The following PALS1 variants were observed in gnomAD, a reference collection of about 807,000 sequenced individuals.
PALS1 encodes the protein protein associated with LIN7 1, MAGUK p55 family member.
Under a neutral mutation model 78.9 loss-of-function variants are expected in PALS1, and 31 were observed. The observed-to-expected ratio is 0.39, with a 90% confidence interval of 0.30 to 0.53. The LOEUF is 0.53. PALS1 is among the 20% of genes least tolerant of loss of function. PALS1 has a pLI of 0.67. For synonymous variants in PALS1, 276 were observed against 270.9 expected, an observed-to-expected ratio of 1.02 and a Z score of -0.18; for missense variants, 704 against 826.5, an observed-to-expected ratio of 0.85 and a Z score of 1.82.
chr14:67,273,949 G>A (rs2140621207), intron 2 of PALS1, among the ~76,000 whole-genome samples: 1 of 152,188 alleles, frequency 6.6e-6, no homozygotes, highest in South Asian at 2.1e-4. Context: ...CATATTCTTT[G>A]CCCACTTTTT....
intron 7 of PALS1, among the ~76,000 whole-genome samples, chr14:67,303,221 G>A (rs2084953528): frequency 1.3e-5 from 2 of 152,144 alleles, no homozygotes; most frequent in South Asian, 4.1e-4. Context: ...CATCTTTTGA[G>A]TGCAATTTAT....
chr14:67,249,938 C>T (rs187268282), intron 1 of PALS1, among the ~76,000 whole-genome samples: 1 of 152,244 alleles, frequency 6.6e-6, no homozygotes, highest in East Asian at 1.9e-4. Flanking sequence ...CTTAGAGTAT[C>T]CATATTTAGA....
At chr14:67,275,884 C>G (rs146917633) in intron 2 of PALS1, among the ~76,000 whole-genome samples, 1 of 152,116 alleles carries the variant, frequency 6.6e-6, no homozygotes, top group Non-Finnish European at 1.5e-5. Flanking sequence ...TCCATTTCTT[C>G]TAGATTTTCT....
rs1409711629 is a variant in PALS1 at position 67,334,005 on chromosome 14, A to G, written c.*1049A>G. On this transcript the variant is annotated 3_prime_UTR_variant, in exon 15 of 15. Coordinates refer to ENST00000261681, the MANE Select transcript of PALS1 (RefSeq NM_022474.4). Reference sequence around the variant, plus strand: ...GTATATTAATATTTAATAGATCAACAAATGGTCATTGAAAACACTTGTTTA... The same window carrying G: ...GTATATTAATATTTAATAGATCAACGAATGGTCATTGAAAACACTTGTTTA... The G allele has an allele frequency of 6.6e-6, 1 of 152,648 alleles. No homozygotes were observed. The highest frequency in any genetic ancestry group is 1.9e-4 in the East Asian group (1 of 5,202). The allele number at this position is 152,648 out of a possible 1,614,324, so 9.5% of individuals were successfully genotyped here. A position where few individuals can be genotyped will look rare whatever the true frequency, so the allele number is the denominator to read the frequency against.
intron 4 of PALS1, among the ~76,000 whole-genome samples, chr14:67,299,725 C>T (rs1300509509): frequency 1.3e-5 from 2 of 152,098 alleles, no homozygotes; most frequent in Non-Finnish European, 1.5e-5. Context: ...TGGGTAAACA[C>T]GGGAGTTCTA....
intron 12 of PALS1, among the ~76,000 whole-genome samples, chr14:67,320,774 T>C (rs548948653): frequency 6.6e-6 from 1 of 152,150 alleles, no homozygotes; most frequent in Non-Finnish European, 1.5e-5. Flanking sequence ...TAGGAGAAGA[T>C]GAGTAGTAGT....
At chr14:67,318,596 A>G (rs1407996819) in intron 11 of PALS1, among the ~76,000 whole-genome samples, 1 of 152,030 alleles carries the variant, frequency 6.6e-6, no homozygotes, top group East Asian at 1.9e-4. Flanking sequence ...TTTCAGAGAA[A>G]ATCATTTTGA....
chr14:67,272,075 G>A (rs1045770552), intron 2 of PALS1: 4 of 144,282 alleles, frequency 2.8e-5, no homozygotes, highest in African/African-American at 1.1e-4. Flanking sequence ...AAAAAAAAAA[G>A]TTCAAGGATC....
intron 1 of PALS1, among the ~76,000 whole-genome samples, chr14:67,243,634 A>G (rs960615378): frequency 2.4e-4 from 36 of 151,336 alleles, no homozygotes; most frequent in African/African-American, 8.5e-4. Context: ...TTGGGACTAC[A>G]GGTGCCCGCC....
intron 2 of PALS1, chr14:67,271,387 CTGT>C (rs1481526256): frequency 6.6e-6 from 1 of 152,230 alleles, no homozygotes; most frequent in Non-Finnish European, 1.5e-5. Flanking sequence ...CTGAAGCCTT[CTGT>C]TGTTTGGCCT....
chr14:67,271,927 T>C (rs2084413360), intron 2 of PALS1: 2 of 151,734 alleles, frequency 1.3e-5, no homozygotes, highest in Admixed American at 1.3e-4. Flanking sequence ...AAAAATTAGC[T>C]GGGTATGGTG....
In PALS1 at chr14:67,272,741, C is replaced by G. The variant is rs146730313; in HGVS notation, c.-154+2958C>G. On this transcript the variant is annotated intron_variant, in intron 2 of 14. Coordinates refer to ENST00000261681, the MANE Select transcript of PALS1 (RefSeq NM_022474.4). Reference sequence around the variant, plus strand: ...TGGCACGATCTTGGCTCACTACAACCTCTGCCTCCTGGGTTCAAGTGATTC... The same window carrying G: ...TGGCACGATCTTGGCTCACTACAACGTCTGCCTCCTGGGTTCAAGTGATTC... 3.1e-3 allele frequency among the ~76,000 whole-genome samples: 469 copies of G among 152,348 alleles called. 7 individuals carry two copies. The highest frequency in any genetic ancestry group is 0.016 in the East Asian group (82 of 5,188).
At chr14:67,259,913 G>A (rs1315682969) in intron 1 of PALS1, among the ~76,000 whole-genome samples, 2 of 149,304 alleles carry the variant, frequency 1.3e-5, no homozygotes, top group East Asian at 2.0e-4. Context: ...TATGTATTTC[G>A]TAAATGTATT....
rs773255003 is a variant in PALS1, at chr14:67,292,644, T to C, written c.501T>C (p.Asn167=). The C allele has an allele frequency of 1.7e-5, 27 of 1,613,658 alleles. No homozygotes were observed. The highest frequency in any genetic ancestry group is 1.9e-5 in the Non-Finnish European group (22 of 1,179,800). ...TCCAGAATGCATTTAAGATACACAA[T>C]GCCATCACAGTACACATGAACAAGG... ...KDFQNAFKIH[N]AITVHMNKAS... is the part of the protein sequence containing the mutation. Residue 167 remains asparagine, a synonymous_variant, in exon 4 of 15, where the codon AAT becomes AAC. Coordinates refer to ENST00000261681, the MANE Select transcript of PALS1 (RefSeq NM_022474.4).
chr14:67,322,608 T>C (rs2085278918), intron 13 of PALS1, among the ~76,000 whole-genome samples: 1 of 152,168 alleles, frequency 6.6e-6, no homozygotes, highest in African/African-American at 2.4e-5. Context: ...AGTGGACAAA[T>C]GCACTTAGGC....
At chr14:67,260,011 T>A (rs1177286229) in intron 1 of PALS1, among the ~76,000 whole-genome samples, 1 of 152,182 alleles carries the variant, frequency 6.6e-6, no homozygotes, top group East Asian at 1.9e-4. Flanking sequence ...GGAAACATTG[T>A]CCCCAGGAGA....
intron 13 of PALS1, among the ~76,000 whole-genome samples, chr14:67,323,006 T>C (rs1264429131): frequency 6.6e-6 from 1 of 152,186 alleles, no homozygotes; most frequent in Non-Finnish European, 1.5e-5. Flanking sequence ...GTCTGGCACA[T>C]AGTAAGGCAA....
chr14:67,262,594 T>G (rs1039454765), intron 1 of PALS1, among the ~76,000 whole-genome samples: 2 of 152,204 alleles, frequency 1.3e-5, no homozygotes, highest in Non-Finnish European at 2.9e-5. Flanking sequence ...TTGTCTTTAT[T>G]GGCCACTCCA....
chr14:67,292,620 C>CCAGAATGCATTT lies in PALS1; in HGVS notation c.478_489dup (p.Gln160_Phe163dup). The CCAGAATGCATTT allele has an allele frequency of 6.2e-7, 1 of 1,613,664 alleles. No individual in the cohort carries two copies. Among genetic ancestry groups the CCAGAATGCATTT allele is most frequent in the Non-Finnish European group, 8.5e-7 (1 of 1,179,736 alleles). On this transcript the variant is annotated inframe_insertion, in exon 4 of 15. Transcript: ENST00000261681. The stretch of plus-strand genomic sequence containing the variant: ...TACAACTTGTTCAAAATAAGGATTT[C>CCAGAATGCATTT]CAGAATGCATTTAAGATACACAATG...
Sources: gnomAD v4.1 joint callset for allele counts (sites outside exome capture counted in the v4.1 genomes callset) on GRCh38, gnomAD v4.1.1 for gene constraint, MANE v1.5 for transcripts, NCBI Gene and HGNC (gene_info 2026-07-23, HGNC 2026-07-21) for gene names.